Variants in TNR observed in about 807,000 individuals in gnomAD.
TNR encodes the protein tenascin-R.
A neutral mutation model predicts 150.4 loss-of-function variants in TNR; 45 were observed. The ratio of observed to expected loss-of-function variants is 0.30; its 90% CI spans 0.24 to 0.38. The LOEUF (loss-of-function observed/expected upper bound fraction) is 0.38. TNR is among the 10% of genes least tolerant of loss of function. The pLI, the probability that TNR is intolerant of heterozygous loss-of-function variation, is 1.00. For synonymous variants in TNR, 687 were observed against 678.4 expected (o/e 1.01, Z -0.20); for missense variants, 1,544 against 1,759.1 (o/e 0.88, Z 2.19).
rs75996748 is a variant in TNR, at chr1:175,563,995, G to A, written c.-164-35626C>T. The stretch of plus-strand genomic sequence containing the variant: ...ATCACTTCAGAAACTGGTGTGTGCT[G>A]AATCTTCATTCTTTAGACCAGAGTC... On this transcript the variant is annotated intron_variant, in intron 1 of 22. Transcript: ENST00000367674. Among the ~76,000 whole-genome samples the A allele has an allele frequency of 2.1e-3, 321 of 152,340 alleles. 1 individual carries two copies. The highest frequency in any genetic ancestry group is 6.9e-3 in the African/African-American group (288 of 41,580).
At chr1:175,614,258 T>C (rs1455499980) in intron 1 of TNR, among the ~76,000 whole-genome samples, 1 of 152,176 alleles carries the variant, frequency 6.6e-6, no homozygotes, top group Non-Finnish European at 1.5e-5. Context: ...ATGATACCTA[T>C]GTATGGTGTG....
intron 2 of TNR, among the ~76,000 whole-genome samples, chr1:175,455,292 TA>T (rs67370691): frequency 0.11 from 16,785 of 152,294 alleles, 1,232 homozygotes; most frequent in Non-Finnish European, 0.17. Flanking sequence ...GAATGGCTGT[TA>T]TTTTATACCA....
At chr1:175,647,281 T>C (rs183413012) in intron 1 of TNR, among the ~76,000 whole-genome samples, 1 of 152,156 alleles carries the variant, frequency 6.6e-6, no homozygotes, top group Non-Finnish European at 1.5e-5. Context: ...GTTCACCACA[T>C]GCACAAAAAA....
chr1:175,382,211 T>C (rs1652714753), intron 8 of TNR, among the ~76,000 whole-genome samples: 1 of 152,274 alleles, frequency 6.6e-6, no homozygotes, highest in African/African-American at 2.4e-5. Context: ...GGATCTTGTC[T>C]ATCTGTTTAT....
chr1:175,546,150 A>G (rs1660677430), intron 1 of TNR, among the ~76,000 whole-genome samples: 1 of 152,228 alleles, frequency 6.6e-6, no homozygotes, highest in Non-Finnish European at 1.5e-5. Context: ...AGAAGAATCA[A>G]AGGACAGGAA....
intron 1 of TNR, among the ~76,000 whole-genome samples, chr1:175,549,871 T>A (rs1660865932): frequency 1.3e-5 from 2 of 152,186 alleles, no homozygotes; most frequent in South Asian, 4.1e-4. Context: ...GTCAACACCA[T>A]GATCCCAGTC....
chr1:175,463,687 C>A (rs1429043049), intron 2 of TNR, among the ~76,000 whole-genome samples: 1 of 152,118 alleles, frequency 6.6e-6, no homozygotes, highest in Non-Finnish European at 1.5e-5. Flanking sequence ...TGCCATATGC[C>A]CATTTCCATG....
intron 1 of TNR, among the ~76,000 whole-genome samples, chr1:175,711,551 A>G (rs551885661): frequency 2.6e-5 from 4 of 152,208 alleles, no homozygotes; most frequent in Non-Finnish European, 5.9e-5. Context: ...CTGCCATAAA[A>G]GCAGCCCTCT....
intron 1 of TNR, among the ~76,000 whole-genome samples, chr1:175,591,797 A>C (rs1662809683): frequency 6.6e-6 from 1 of 152,174 alleles, no homozygotes; most frequent in East Asian, 1.9e-4. Context: ...CCCCCTCTGG[A>C]GTTAGGTGTG....
At chr1:175,709,147 G>A (rs954511611) in intron 1 of TNR, among the ~76,000 whole-genome samples, 1 of 152,030 alleles carries the variant, frequency 6.6e-6, no homozygotes, top group Non-Finnish European at 1.5e-5. Flanking sequence ...CCCCAATGAA[G>A]GTGATATACA....
At chr1:175,461,612 G>T (rs926867516) in intron 2 of TNR, among the ~76,000 whole-genome samples, 1 of 152,176 alleles carries the variant, frequency 6.6e-6, no homozygotes, top group East Asian at 1.9e-4. Flanking sequence ...CTTTGGCTTC[G>T]ATTTCTTTCT....
At chr1:175,355,675 G>C (rs376496619) in intron 16 of TNR, 42 bp from the exon 17 acceptor site, 1 of 1,610,270 alleles carries the variant, frequency 6.2e-7, no homozygotes, top group South Asian at 1.1e-5. Context: ...TGCCTCTCCA[G>C]CTCCTCCCCC....
chr1:175,441,695 C>T (rs1405058478), intron 2 of TNR, among the ~76,000 whole-genome samples: 1 of 152,122 alleles, frequency 6.6e-6, no homozygotes, highest in Non-Finnish European at 1.5e-5. Flanking sequence ...ATAGAAATCA[C>T]TACAATTCAT....
At chr1:175,699,769 G>C (rs756361045) in intron 1 of TNR, among the ~76,000 whole-genome samples, 29 of 152,008 alleles carry the variant, frequency 1.9e-4, no homozygotes, top group Non-Finnish European at 3.2e-4. Context: ...AAGGTTCAAG[G>C]GTATGAGTAT....
At chr1:175,371,087 T>C (rs1457418405) in intron 9 of TNR, among the ~76,000 whole-genome samples, 2 of 134,524 alleles carry the variant, frequency 1.5e-5, no homozygotes, top group Non-Finnish European at 3.2e-5. Flanking sequence ...AAAAACCACA[T>C]GTATCCGAGG....
intron 1 of TNR, among the ~76,000 whole-genome samples, chr1:175,736,336 A>C (rs1172817694): frequency 6.6e-6 from 1 of 152,122 alleles, no homozygotes; most frequent in Non-Finnish European, 1.5e-5. Context: ...CCTGGCTAAC[A>C]TGGTGAAACC....
chr1:175,659,124 C>G (rs1223711076), intron 1 of TNR, among the ~76,000 whole-genome samples: 2 of 152,204 alleles, frequency 1.3e-5, no homozygotes, highest in East Asian at 3.8e-4. Context: ...GAAGCCCCAG[C>G]TAGCAGCTCA....
At position 175,324,396 on chromosome 1, in the gene TNR, G is replaced by C. The variant is rs781749879; in HGVS notation, c.3917C>G (p.Thr1306Ser). The C allele has an allele frequency of 1.1e-4, 184 of 1,614,080 alleles. 3 individuals are homozygous for C. The East Asian group carries it at 4.0e-3, about 35-fold the overall frequency. ...CTCCCCGTACTTCCCATTGAGGTTG[G>C]TCCGGTGGCAGTTCTTATACCACCA... ...GAWWYKNCHRTNLNGKYGESR... is the reference protein window; with the variant it reads ...GAWWYKNCHRSNLNGKYGESR... Residue 1306 changes from threonine to serine, a missense_variant, in exon 22 of 23, where the codon ACC becomes AGC. By Grantham distance (58) the Thr-to-Ser change is moderately conservative (BLOSUM62 1). This residue lies in a region of TNR where 290 missense variants were observed against 429.7 expected (regional missense o/e 0.67). Transcript: ENST00000367674.
At chr1:175,458,737 T>C (rs1348508765) in intron 2 of TNR, among the ~76,000 whole-genome samples, 1 of 152,182 alleles carries the variant, frequency 6.6e-6, no homozygotes, top group East Asian at 1.9e-4. Context: ...TTTACAGAGG[T>C]CTGATTTGAA....
Sources: gnomAD v4.1 joint callset for allele counts (sites outside exome capture counted in the v4.1 genomes callset) on GRCh38, gnomAD v4.1.1 for gene constraint, gnomAD v4.1.1 regional missense constraint, MANE v1.5 for transcripts, NCBI Gene and HGNC (gene_info 2026-07-23, HGNC 2026-07-21) for gene names.